NRXN3: variants seen among roughly 807,000 people sequenced by gnomAD.
The protein encoded by NRXN3 is neurexin 3.
NRXN3 carries 32 observed loss-of-function variants against 137.6 expected under a neutral mutation model. That is an observed-to-expected ratio of 0.23 (90% CI 0.18 to 0.31). The LOEUF is 0.31. Ranked by LOEUF, NRXN3 falls within the 10% of genes least tolerant of loss-of-function variation. The pLI is 1.00. For missense variants in NRXN3, 1,574 were observed against 2,062.5 expected (o/e 0.76, Z 4.59); for synonymous variants, 798 against 784.5 (o/e 1.02, Z -0.29).
chr14:78,977,135 A>G (rs2099470295), intron 14 of NRXN3, among the ~76,000 whole-genome samples: 1 of 152,308 alleles, frequency 6.6e-6, no homozygotes, highest in Non-Finnish European at 1.5e-5. Context: ...ATTACTAGTA[A>G]GTGATTAAAC....
chr14:79,252,651 A>G (rs1180698523), intron 15 of NRXN3, among the ~76,000 whole-genome samples: 1 of 152,182 alleles, frequency 6.6e-6, no homozygotes, highest in African/African-American at 2.4e-5. Context: ...AGGATTTCAG[A>G]GGGTGCGAGA....
chr14:79,853,486 T>C (rs560126372), intron 20 of NRXN3: 16 of 1,036,310 alleles, frequency 1.5e-5, no homozygotes, highest in Middle Eastern at 2.4e-4. Context: ...TTTCCATAGA[T>C]GGGCATGTGT....
At position 79,131,494 on chromosome 14, in the gene NRXN3, G is replaced by A. The variant is rs528976962; in HGVS notation, c.3262+143353G>A. 2.5e-3 allele frequency among the ~76,000 whole-genome samples: 383 copies of A among 152,260 alleles called. 3 individuals are homozygous for A. The highest frequency in any genetic ancestry group is 8.4e-3 in the African/African-American group (347 of 41,550). On this transcript the variant is annotated intron_variant, in intron 15 of 20. Coordinates refer to ENST00000335750, the MANE Select transcript of NRXN3 (RefSeq NM_001330195.2). ...TGCCTCCCAGTTAGGCTGCTTGGGG[G>A]TCAGGGGTCAGGGACCCATTTGAGG... is the stretch of plus-strand genomic sequence containing the variant.
chr14:78,190,641 TTATTTATTTATTTACTTA>T (rs1162864827), intron 1 of NRXN3, among the ~76,000 whole-genome samples: 1 of 49,424 alleles, frequency 2.0e-5, no homozygotes, highest in Non-Finnish European at 4.1e-5. Flanking sequence ...ATTTATTTAT[TTATTTATTTATTTACTTA>T]CTTACTTACT....
Position 78,801,523 on chromosome 14 carries a change from G to T in NRXN3, c.2045-2097G>T, listed in dbSNP as rs538562563. Among the ~76,000 whole-genome samples, 231 of 152,248 alleles carry T rather than the reference G, an allele frequency of 1.5e-3. 1 individual carries two copies. The highest frequency in any genetic ancestry group is 5.3e-3 in the African/African-American group (219 of 41,550). ...CAAACACTTACAAAACCATCAGATA[G>T]TGTGAGAACTCATGAGAACAGCATG... On this transcript the variant is annotated intron_variant, in intron 8 of 20. Transcript: ENST00000335750.
intron 1 of NRXN3, among the ~76,000 whole-genome samples, chr14:78,176,815 C>A (rs2059317188): frequency 6.6e-6 from 1 of 151,796 alleles, no homozygotes; most frequent in African/African-American, 2.4e-5. Context: ...CCTGGGGTGC[C>A]TTCTTAGTTC....
intron 4 of NRXN3, among the ~76,000 whole-genome samples, chr14:78,604,550 A>G (rs991656130): frequency 5.3e-5 from 8 of 152,220 alleles, no homozygotes; most frequent in African/African-American, 1.2e-4. Flanking sequence ...TCTGAGGTCT[A>G]TTCTCATGTT....
intron 10 of NRXN3, among the ~76,000 whole-genome samples, chr14:78,929,633 C>G (rs1406805707): frequency 6.6e-6 from 1 of 152,070 alleles, no homozygotes; most frequent in Non-Finnish European, 1.5e-5. Flanking sequence ...ACTTTGCTAT[C>G]GTACAGTGCT....
chr14:79,062,719 G>T (rs1452842955), intron 15 of NRXN3, among the ~76,000 whole-genome samples: 1 of 151,976 alleles, frequency 6.6e-6, no homozygotes, highest in Non-Finnish European at 1.5e-5. Flanking sequence ...CCAAGAGAGG[G>T]GTCTTGTTTT....
intron 10 of NRXN3, among the ~76,000 whole-genome samples, chr14:78,820,889 C>T (rs536640664): frequency 6.6e-6 from 1 of 152,274 alleles, no homozygotes; most frequent in South Asian, 2.1e-4. Flanking sequence ...GTTATGAACT[C>T]AGGATCCTCC....
rs71131695 is a variant in NRXN3 at position 79,366,980 on chromosome 14, C to CTTT, written c.3263-100223_3263-100221dup. ...AGAATTAAAAACTCAGTCCCTTAGT[C>CTTT]TTTTTTTTTTTTTTTTTTTTGGAGA... On this transcript the variant is annotated intron_variant, in intron 15 of 20. Coordinates refer to ENST00000335750, the MANE Select transcript of NRXN3 (RefSeq NM_001330195.2). 9.6e-4 allele frequency among the ~76,000 whole-genome samples: 109 copies of CTTT among 113,202 alleles called. 2 individuals are homozygous for CTTT. The highest frequency in any genetic ancestry group is 5.7e-3 in the Middle Eastern group (1 of 176). 74.3% of individuals were successfully genotyped at this position (113,202 alleles called of 152,430 possible). A position where few individuals can be genotyped will look rare whatever the true frequency, so the allele number is the denominator to read the frequency against.
chr14:78,771,959 A>C (rs2152999648), intron 8 of NRXN3, among the ~76,000 whole-genome samples: 1 of 152,218 alleles, frequency 6.6e-6, no homozygotes, highest in East Asian at 1.9e-4. Flanking sequence ...ATAATAAAAT[A>C]TCTTGGAGAT....
At chr14:79,761,588 G>T (rs2099038712) in intron 19 of NRXN3, among the ~76,000 whole-genome samples, 1 of 149,992 alleles carries the variant, frequency 6.7e-6, no homozygotes. Context: ...AGCTACTCGG[G>T]AGGCTGAGGC....
intron 4 of NRXN3, among the ~76,000 whole-genome samples, chr14:78,462,401 G>C (rs895139504): frequency 6.6e-6 from 1 of 152,080 alleles, no homozygotes; most frequent in Non-Finnish European, 1.5e-5. Context: ...AGATGAGGGG[G>C]GTGCTCATCC....
intron 4 of NRXN3, among the ~76,000 whole-genome samples, chr14:78,388,823 G>A (rs905211599): frequency 1.3e-5 from 2 of 151,964 alleles, no homozygotes; most frequent in Non-Finnish European, 2.9e-5. Flanking sequence ...CAATCATTAA[G>A]TTTTTGGAGA....
chr14:79,265,560 C>G (rs559790089), intron 15 of NRXN3, among the ~76,000 whole-genome samples: 1 of 152,250 alleles, frequency 6.6e-6, no homozygotes, highest in African/African-American at 2.4e-5. Context: ...AGCAATGAGT[C>G]AAGCCTGTGA....
chr14:79,246,041 C>G (rs2075126975), intron 15 of NRXN3, among the ~76,000 whole-genome samples: 1 of 152,096 alleles, frequency 6.6e-6, no homozygotes, highest in African/African-American at 2.4e-5. Context: ...AAGAGGAAAA[C>G]AAACCAAAAA....
intron 6 of NRXN3, among the ~76,000 whole-genome samples, chr14:78,662,557 C>A (rs1176146939): frequency 6.6e-6 from 1 of 152,072 alleles, no homozygotes; most frequent in Non-Finnish European, 1.5e-5. Flanking sequence ...ACTGGGCAAC[C>A]ATTTTGCTGA....
At position 78,389,181 on chromosome 14, in the gene NRXN3, G is replaced by A. The variant is rs544352743; in HGVS notation, c.757+91321G>A. Among the ~76,000 whole-genome samples, 28 of 151,544 alleles carry A rather than the reference G, an allele frequency of 1.8e-4. No individual in the cohort carries two copies. In the East Asian group the frequency reaches 4.9e-3, roughly 26 times the overall value. ...AGCAATTCTCTTGCCTCAGCCTCCC[G>A]AGTAGCTGGGATTACAGGCACCCAC... On this transcript the variant is annotated intron_variant, in intron 4 of 20. Coordinates refer to ENST00000335750, the MANE Select transcript of NRXN3 (RefSeq NM_001330195.2).
Sources: allele counts gnomAD v4.1 joint callset (sites outside exome capture counted in the v4.1 genomes callset), GRCh38; gene constraint gnomAD v4.1.1; transcripts MANE v1.5; gene names NCBI Gene and HGNC (gene_info 2026-07-23, HGNC 2026-07-21).